Variants in KIF13A observed in about 807,000 individuals in gnomAD.
The protein encoded by KIF13A is kinesin family member 13A.
Under a neutral mutation model 212.2 loss-of-function variants are expected in KIF13A, and 79 were observed. That is an observed-to-expected ratio of 0.37 (90% CI 0.31 to 0.45). KIF13A has a LOEUF of 0.45. Ranked by LOEUF, KIF13A falls within the 20% of genes least tolerant of loss-of-function variation. The pLI is 1.00. For missense variants in KIF13A, 1,901 were observed against 2,209.0 expected (o/e 0.86, Z 2.79); for synonymous variants, 789 against 808.6 (o/e 0.98, Z 0.41).
At position 17,783,779 on chromosome 6, in the gene KIF13A, G is replaced by C. The variant is rs1446625401; in HGVS notation, c.3489-78C>G. On this transcript the variant is annotated intron_variant, in intron 28 of 38. Transcript: ENST00000259711. The surrounding 1 kb of genome is among the most constrained non-coding windows in gnomAD (Gnocchi z 4.3). ...TTAGCTGATAAAACACCACAGAGCT[G>C]TGGAAGCAAAGAGAACCATGGTGGA... 11 of 950,522 alleles carry C rather than the reference G, an allele frequency of 1.2e-5. No homozygotes were observed. The highest frequency in any genetic ancestry group is 1.7e-5 in the Non-Finnish European group (10 of 603,400). The allele number at this position is 950,522 out of a possible 1,614,324, so 58.9% of individuals were successfully genotyped here.
Position 17,987,475 on chromosome 6 carries a change from T to TCGCCCGGCCGCTCGCCGCGCC in KIF13A, c.-33_-13dup. 1 of 1,259,712 alleles carries TCGCCCGGCCGCTCGCCGCGCC rather than the reference T, an allele frequency of 7.9e-7. No individual in the cohort carries two copies. The highest frequency in any genetic ancestry group is 1.0e-6 in the Non-Finnish European group (1 of 962,826). 78.0% of individuals were successfully genotyped at this position (1,259,712 alleles called of 1,614,324 possible). ...TTGGTATCCGACATGTTGGCTGCGC[T>TCGCCCGGCCGCTCGCCGCGCC]CGCCCGGCCGCTCGCCGCGCCCGCT... On this transcript the variant is annotated 5_prime_UTR_variant, in exon 1 of 39. Coordinates refer to ENST00000259711, the MANE Select transcript of KIF13A (RefSeq NM_022113.6). The surrounding 1 kb of genome is among the most constrained non-coding windows in gnomAD (Gnocchi z 7.7).
chr6:17,804,020 T>C lies in KIF13A; in HGVS notation c.2454+341A>G, dbSNP rs574212571. 2.6e-5 allele frequency among the ~76,000 whole-genome samples: 4 copies of C among 152,152 alleles called. No individual in the cohort carries two copies. The South Asian group carries it at 6.2e-4, about 24-fold the overall frequency. The stretch of plus-strand genomic sequence containing the variant: ...ACAAAAAATTAGCCCGATATGGTGG[T>C]GGGCGCCTGTAGTCCCAGCTACTCG... On this transcript the variant is annotated intron_variant, in intron 20 of 38. Coordinates refer to ENST00000259711, the MANE Select transcript of KIF13A (RefSeq NM_022113.6).
In KIF13A at chr6:17,764,939, T is replaced by A; in HGVS notation, c.4589A>T (p.Glu1530Val). Residue 1530 changes from glutamate (E) to valine (V), a missense_variant, in exon 39 of 39, where the codon GAG (glutamate) becomes GTG (valine). By Grantham distance (121) the Glu-to-Val change is moderately radical. Around this residue, in one of 5 missense-constraint regions of KIF13A, gnomAD observed 687 missense variants for 759.1 expected, o/e 0.90. Coordinates refer to ENST00000259711, the MANE Select transcript of KIF13A (RefSeq NM_022113.6). The surrounding 1 kb of genome is among the most constrained non-coding windows in gnomAD (Gnocchi z 5.1). ...AGCTTCCAGCTCATTTTCTTCCTCC[T>A]CAGAGTCCTATAGAAGTGAAGCAAA... ...NSKREKKIDS[E>V]EEENELEAIN... 1 of 1,605,814 alleles carries A rather than the reference T, an allele frequency of 6.2e-7. No individual in the cohort carries two copies. Among genetic ancestry groups the A allele is most frequent in the Non-Finnish European group, 8.5e-7 (1 of 1,175,776 alleles).
rs1561757564 is a variant in KIF13A, at chr6:17,915,944, AAAAT to A, written c.147-17768_147-17765del. ...TGACAGAGAGCCAGTCTCAAAAAAAAAAATAAAAATAAAAATAAAATAAAATAAA... is the reference window on the plus strand; with the variant it reads ...TGACAGAGAGCCAGTCTCAAAAAAAAAAAAATAAAAATAAAATAAAATAAA... On this transcript the variant is annotated intron_variant, in intron 2 of 38. Coordinates refer to ENST00000259711, the MANE Select transcript of KIF13A (RefSeq NM_022113.6). The surrounding 1 kb of genome is among the most constrained non-coding windows in gnomAD (Gnocchi z 4.4). Among the ~76,000 whole-genome samples the A allele has an allele frequency of 2.2e-3, 285 of 131,708 alleles. 2 individuals are homozygous for A. Among genetic ancestry groups the A allele is most frequent in the South Asian group, 0.012 (47 of 3,872 alleles). The allele number at this position is 131,708 out of a possible 152,430, so 86.4% of individuals were successfully genotyped here.
chr6:17,987,338 G>T lies in KIF13A; in HGVS notation c.55+71C>A, dbSNP rs565326143. ...CCCCGGCCGCGCTCTCGCCGTCCCG[G>T]CCCCGCAGTTTCTAAAGTTGCCCCC... is the stretch of plus-strand genomic sequence containing the variant. On this transcript the variant is annotated intron_variant, in intron 1 of 38. Coordinates refer to ENST00000259711, the MANE Select transcript of KIF13A (RefSeq NM_022113.6). The surrounding 1 kb of genome is among the most constrained non-coding windows in gnomAD (Gnocchi z 7.7). The T allele has an allele frequency of 1.1e-5, 13 of 1,150,732 alleles. No homozygotes were observed. The African/African-American group carries it at 1.5e-4, about 13-fold the overall frequency. 71.3% of individuals were successfully genotyped at this position (1,150,732 alleles called of 1,614,324 possible).
chr6:17,878,625 G>C (rs1770786584), intron 3 of KIF13A, among the ~76,000 whole-genome samples: 1 of 152,030 alleles, frequency 6.6e-6, no homozygotes, highest in African/African-American at 2.4e-5. Context: ...AAGTTAGAAA[G>C]CTAGACATTT....
At position 17,851,990 on chromosome 6, in the gene KIF13A, C is replaced by T; in HGVS notation, c.547G>A (p.Asp183Asn). The change falls in exon 7 of 39, where the codon GAT becomes AAT. Residue 183 changes from aspartate to asparagine, a missense_variant. Coordinates refer to ENST00000259711, the MANE Select transcript of KIF13A (RefSeq NM_022113.6). ...REHKVLGPYV[D>N]GLSQLAVTSF... ...GTGACAGCTAGTTGAGATAAACCAT[C>T]TACATATGGTCCCAAAACTTTATGT... is the stretch of plus-strand genomic sequence containing the variant. 6.4e-7 allele frequency: 1 copy of T among 1,556,640 alleles called. No homozygotes were observed. The highest frequency in any genetic ancestry group is 8.7e-7 in the Non-Finnish European group (1 of 1,155,088).
intron 4 of KIF13A, among the ~76,000 whole-genome samples, chr6:17,860,197 C>G (rs1204735825): frequency 1.3e-5 from 2 of 151,524 alleles, no homozygotes; most frequent in African/African-American, 2.4e-5. Context: ...ATTTTTTTTT[C>G]TTTCCTTCTG....
At chr6:17,894,902 G>A (rs902047255) in intron 3 of KIF13A, among the ~76,000 whole-genome samples, 24 of 152,138 alleles carry the variant, frequency 1.6e-4, no homozygotes, top group African/African-American at 5.8e-4. Flanking sequence ...TTGATAGAAA[G>A]GATGTGAGAC....
intron 25 of KIF13A, among the ~76,000 whole-genome samples, chr6:17,791,901 C>CAAAAA (rs57423111): frequency 2.2e-5 from 2 of 89,970 alleles, no homozygotes; most frequent in South Asian, 4.1e-4. Context: ...GACTCTGTCT[C>CAAAAA]AAAAAAAAAA....
chr6:17,787,972 T>C lies in KIF13A; in HGVS notation c.3262-97A>G. On this transcript the variant is annotated intron_variant, in intron 26 of 38. Transcript: ENST00000259711. This position sits in a 1 kb window ranked among gnomAD's most constrained non-coding sequence, Gnocchi z 4.6. ...AGATGTTTAAATCAACTAGGAAATT[T>C]TTCATTAGGAAAAGCTGTTGAACAT... 1.3e-6 allele frequency: 1 copy of C among 757,156 alleles called. No individual in the cohort carries two copies. The highest frequency in any genetic ancestry group is 2.5e-5 in the East Asian group (1 of 40,776). The allele number at this position is 757,156 out of a possible 1,614,324, so 46.9% of individuals were successfully genotyped here.
In KIF13A at chr6:17,764,027, GCTGTCACAAACAA is replaced by G. The variant is rs1758723813; in HGVS notation, c.*70_*82del. ...CCTGCTTCTCTGTGGGCTCATCTTTGCTGTCACAAACAACTGGATGAATCTTTCCTACCAAGTT... is the reference window on the plus strand; with the variant it reads ...CCTGCTTCTCTGTGGGCTCATCTTTGCTGGATGAATCTTTCCTACCAAGTT... On this transcript the variant is annotated 3_prime_UTR_variant, in exon 39 of 39. Transcript: ENST00000259711. The surrounding 1 kb of genome is among the most constrained non-coding windows in gnomAD (Gnocchi z 5.1). The G allele has an allele frequency of 6.6e-7, 1 of 1,504,172 alleles. No homozygotes were observed. Among genetic ancestry groups the G allele is most frequent in the Non-Finnish European group, 8.9e-7 (1 of 1,125,578 alleles). 93.2% of individuals were successfully genotyped at this position (1,504,172 alleles called of 1,614,324 possible). A position where few individuals can be genotyped will look rare whatever the true frequency, so the allele number is the denominator to read the frequency against.
At chr6:17,893,832 C>CTTTTTTTTTTTTTTTTTTTTTTTTT (rs139288852) in intron 3 of KIF13A, among the ~76,000 whole-genome samples, 3 of 77,328 alleles carry the variant, frequency 3.9e-5, no homozygotes, top group Non-Finnish European at 5.1e-5. Context: ...TTTCCTGCAT[C>CTTTTTTTTTTTTTTTTTTTTTTTTT]TTTTTTTTTT....
intron 18 of KIF13A, among the ~76,000 whole-genome samples, chr6:17,808,472 C>CA (rs890864198): frequency 6.6e-5 from 10 of 151,464 alleles, no homozygotes; most frequent in East Asian, 5.8e-4. Flanking sequence ...CATTTACATG[C>CA]AAAAAAAAGC....
At position 17,789,720 on chromosome 6, in the gene KIF13A, T is replaced by C. The variant is rs1761373996; in HGVS notation, c.3261+152A>G. On this transcript the variant is annotated intron_variant, in intron 26 of 38. Coordinates refer to ENST00000259711, the MANE Select transcript of KIF13A (RefSeq NM_022113.6). This position sits in a 1 kb window ranked among gnomAD's most constrained non-coding sequence, Gnocchi z 4.8. ...GGCATCTATAGAAATAATATTGTGTTTGAATACATATAAAGCAAATCAAAA... is the reference window on the plus strand; with the variant it reads ...GGCATCTATAGAAATAATATTGTGTCTGAATACATATAAAGCAAATCAAAA... Among the ~76,000 whole-genome samples the C allele has an allele frequency of 6.6e-6, 1 of 152,180 alleles. No individual in the cohort carries two copies.
intron 2 of KIF13A, among the ~76,000 whole-genome samples, chr6:17,966,472 G>A (rs1581887712): frequency 8.0e-6 from 1 of 125,650 alleles, no homozygotes. Context: ...TTGACAGTGA[G>A]CAGGATTCTT....
intron 2 of KIF13A, among the ~76,000 whole-genome samples, chr6:17,908,921 CT>C (rs1253872189): frequency 3.9e-5 from 6 of 152,170 alleles, no homozygotes; most frequent in Non-Finnish European, 7.3e-5. Flanking sequence ...AATCCTAGCT[CT>C]GCCTTGATCT....
intron 18 of KIF13A, among the ~76,000 whole-genome samples, chr6:17,807,297 T>C (rs932081888): frequency 1.3e-5 from 2 of 152,146 alleles, no homozygotes. Flanking sequence ...AGGAGATATA[T>C]TGCTAAATTC....
At chr6:17,788,671 C>T (rs936828782) in intron 26 of KIF13A, among the ~76,000 whole-genome samples, 2 of 152,132 alleles carry the variant, frequency 1.3e-5, no homozygotes, top group South Asian at 2.1e-4. Flanking sequence ...AGACTTAAGA[C>T]GTTACATCAA....
Sources: gnomAD v4.1 joint callset for allele counts (sites outside exome capture counted in the v4.1 genomes callset) on GRCh38, gnomAD v4.1.1 for gene constraint, gnomAD v4.1.1 regional missense constraint, Gnocchi (gnomAD v3.1) non-coding constraint, MANE v1.5 for transcripts, NCBI Gene and HGNC (gene_info 2026-07-23, HGNC 2026-07-21) for gene names.